Variants in NCAN observed in about 807,000 individuals in gnomAD.
NCAN encodes the protein neurocan core protein.
Under a neutral mutation model 121.8 loss-of-function variants are expected in NCAN, and 47 were observed. That is an observed-to-expected ratio of 0.39 (90% CI 0.31 to 0.49). NCAN has a LOEUF of 0.49. Among genes scored for constraint, NCAN ranks in the 20% least tolerant of loss-of-function variants. The probability of loss-of-function intolerance (pLI) is 0.92; values close to 1 mark genes in which losing one functional copy is unlikely to be tolerated. For missense variants in NCAN, 1,517 were observed against 1,773.4 expected, an observed-to-expected ratio of 0.86 and a Z score of 2.60; for synonymous variants, 633 against 702.0, an observed-to-expected ratio of 0.90 and a Z score of 1.55.
At chr19:19,224,282 G>T in intron 4 of NCAN, 24 bp from the exon 5 acceptor site, 1 of 1,608,612 alleles carries the variant, frequency 6.2e-7, no homozygotes, top group South Asian at 1.1e-5. Context: ...ACATCTGAGA[G>T]GGACCCTCCC....
intron 1 of NCAN, among the ~76,000 whole-genome samples, chr19:19,215,219 C>T (rs1176387106): frequency 6.6e-6 from 1 of 152,190 alleles, no homozygotes; most frequent in Non-Finnish European, 1.5e-5. Flanking sequence ...CTGTCACATA[C>T]AGCCTCCCCT....
intron 8 of NCAN, among the ~76,000 whole-genome samples, chr19:19,232,489 C>T (rs1158809725): frequency 1.3e-5 from 2 of 152,222 alleles, no homozygotes; most frequent in African/African-American, 4.8e-5. Context: ...GCCCGTTTGC[C>T]ATCCATGGGG....
intron 2 of NCAN, 22 bp from the exon 3 acceptor site, chr19:19,218,893 C>G (rs1274565118): frequency 1.2e-5 from 18 of 1,478,638 alleles, no homozygotes; most frequent in Non-Finnish European, 1.6e-5. Context: ...ATCAGGCCCT[C>G]TCTCCACCTT....
At chr19:19,239,616 T>C (rs1399464415) in intron 11 of NCAN, among the ~76,000 whole-genome samples, 4 of 43,418 alleles carry the variant, frequency 9.2e-5, no homozygotes, top group Admixed American at 2.8e-4. Flanking sequence ...TCTTCCTCTC[T>C]CCTCTCCTCC....
In NCAN at chr19:19,251,963, T is replaced by C. The variant is rs2060947915; in HGVS notation, c.*2052T>C. 6.6e-6 allele frequency: 1 copy of C among 152,546 alleles called. No individual in the cohort carries two copies. The allele number at this position is 152,546 out of a possible 1,614,324, so 9.4% of individuals were successfully genotyped here. On this transcript the variant is annotated 3_prime_UTR_variant, in exon 15 of 15. Transcript: ENST00000252575. ...TCCCTGCCCTTGAGCCCCTCAGCCGTTTGCCCTGCCCCCACCTCGGCTCCA... is the reference window on the plus strand; with the variant it reads ...TCCCTGCCCTTGAGCCCCTCAGCCGCTTGCCCTGCCCCCACCTCGGCTCCA...
At chr19:19,239,842 C>T (rs948529922) in intron 11 of NCAN, among the ~76,000 whole-genome samples, 4 of 140,578 alleles carry the variant, frequency 2.8e-5, no homozygotes, top group African/African-American at 1.1e-4. Context: ...ACTCTTCCCC[C>T]TCCTCCCTCC....
At chr19:19,213,770 C>A (rs889531583) in intron 1 of NCAN, among the ~76,000 whole-genome samples, 1 of 151,944 alleles carries the variant, frequency 6.6e-6, no homozygotes, top group Non-Finnish European at 1.5e-5. Flanking sequence ...AGAGTTGGGG[C>A]GCTAACAGGG....
At chr19:19,245,222 G>C (rs2060920162) in intron 12 of NCAN, 91 bp from the exon 13 acceptor site, 2 of 1,492,662 alleles carry the variant, frequency 1.3e-6, no homozygotes, top group African/African-American at 2.8e-5. Context: ...AGTTTGAGGG[G>C]TCTGGCCAGG....
In NCAN at chr19:19,228,649, A is replaced by G; in HGVS notation, c.3019+10A>G. 6.3e-7 allele frequency: 1 copy of G among 1,599,208 alleles called. No homozygotes were observed. Among genetic ancestry groups the G allele is most frequent in the Non-Finnish European group, 8.5e-7 (1 of 1,171,442 alleles). On this transcript the variant is annotated intron_variant, in intron 8 of 14. Coordinates refer to ENST00000252575, the MANE Select transcript of NCAN (RefSeq NM_004386.3). ...GCAGGTGCGGAGGAGGGTGAGTACA[A>G]AGTCCCGGGGCTCTGTCCAGCTCTC... is the stretch of plus-strand genomic sequence containing the variant.
Position 19,227,498 on chromosome 19 carries a change from C to T in NCAN, c.1878C>T (p.Thr626=). 1.2e-6 allele frequency: 2 copies of T among 1,613,706 alleles called. No individual in the cohort carries two copies. The highest frequency in any genetic ancestry group is 8.5e-7 in the Non-Finnish European group (1 of 1,179,930). ...CCTGGGAGGCATTCCCTGTGGCCAC[C>T]TCCCCAGATCTCCCTATGATGGCCA... ...PAPWEAFPVA[T]SPDLPMMAML... is the part of the protein sequence containing the mutation. The change falls in exon 8 of 15, where the codon ACC becomes ACT. Residue 626 remains threonine (T), a synonymous_variant. Transcript: ENST00000252575. This position sits in a 1 kb window ranked among gnomAD's most constrained non-coding sequence, Gnocchi z 4.2.
Position 19,228,410 on chromosome 19 carries a change from T to A in NCAN, c.2790T>A (p.Pro930=). Residue 930 remains proline (P), a synonymous_variant, in exon 8 of 15, where the codon CCT becomes CCA. Coordinates refer to ENST00000252575, the MANE Select transcript of NCAN (RefSeq NM_004386.3). ...SSPLGKPAVP[P]GTPTAASVGE... ...CCCTAGGGAAACCGGCTGTTCCTCC[T>A]GGGACACCGACTGCAGCCAGTGTGG... 6.2e-7 allele frequency: 1 copy of A among 1,613,632 alleles called. No individual in the cohort carries two copies. Among genetic ancestry groups the A allele is most frequent in the Non-Finnish European group, 8.5e-7 (1 of 1,180,006 alleles).
Position 19,233,904 on chromosome 19 carries a change from T to G in NCAN, c.3135T>G (p.Ile1045Met), listed in dbSNP as rs747541470. 67 of 1,588,890 alleles carry G rather than the reference T, an allele frequency of 4.2e-5. No homozygotes were observed. The highest frequency in any genetic ancestry group is 5.5e-5 in the Non-Finnish European group (64 of 1,157,028). The change falls in exon 9 of 15, where the codon ATT becomes ATG. Residue 1045 changes from isoleucine (I) to methionine (M), a missense_variant and splice_region_variant. By Grantham distance (10) the Ile-to-Met change is conservative (BLOSUM62 1). Coordinates refer to ENST00000252575, the MANE Select transcript of NCAN (RefSeq NM_004386.3). ...GCTTCGCCGGGGAGAACTGTGAGAT[T>G]GGTGAGTACCCCAGACTCAGGATCT... ...DQGFAGENCE[I>M]DIDDCLCSPC...
In NCAN at chr19:19,212,233, G is replaced by A. The variant is rs149689976; in HGVS notation, c.-8+169G>A. On this transcript the variant is annotated intron_variant, in intron 1 of 14. Transcript: ENST00000252575. The surrounding 1 kb of genome is among the most constrained non-coding windows in gnomAD (Gnocchi z 4.5). ...GAGGAGGGAGCGCGAACTGGGAGGG[G>A]GCTTGGGAATGCTAGGTGAACAGAC... Among the ~76,000 whole-genome samples the A allele has an allele frequency of 7.7e-3, 1,169 of 151,678 alleles. 13 individuals carry two copies. The highest frequency in any genetic ancestry group is 0.013 in the Non-Finnish European group (883 of 67,812).
chr19:19,224,739 C>G (rs2060829226), intron 5 of NCAN, among the ~76,000 whole-genome samples: 1 of 152,040 alleles, frequency 6.6e-6, no homozygotes, highest in African/African-American at 2.4e-5. Flanking sequence ...CTCCCTCTCT[C>G]TGAAGCCCGA....
At chr19:19,238,126 G>A in intron 10 of NCAN, 127 bp from the exon 11 acceptor site, 1 of 1,200,064 alleles carries the variant, frequency 8.3e-7, no homozygotes, top group East Asian at 2.4e-5. Context: ...CAGGCATGGG[G>A]AGAGGGGTGA....
rs2060777759 is a variant in NCAN, at chr19:19,212,180, CTGAAGCGGGGGAGGGGAG to C, written c.-8+117_-8+134del. ...AGAAGTCCCCAGAATGGGGAGGGGG[CTGAAGCGGGGGAGGGGAG>C]CCCTAGGTTGAGGAGGGAGCGCGAA... On this transcript the variant is annotated intron_variant, in intron 1 of 14. Transcript: ENST00000252575. The surrounding 1 kb of genome is among the most constrained non-coding windows in gnomAD (Gnocchi z 4.5). The C allele has an allele frequency of 6.5e-6, 1 of 153,280 alleles. No homozygotes were observed. The highest frequency in any genetic ancestry group is 2.4e-5 in the African/African-American group (1 of 40,822). 9.5% of individuals were successfully genotyped at this position (153,280 alleles called of 1,614,324 possible).
chr19:19,220,551 G>A lies in NCAN; in HGVS notation c.475+1235G>A, dbSNP rs570115226. 1.1e-3 allele frequency among the ~76,000 whole-genome samples: 159 copies of A among 139,158 alleles called. 2 individuals are homozygous for A. Among genetic ancestry groups the A allele is most frequent in the African/African-American group, 4.1e-3 (154 of 38,000 alleles). The allele number at this position is 139,158 out of a possible 152,430, so 91.3% of individuals were successfully genotyped here. On this transcript the variant is annotated intron_variant, in intron 3 of 14. Coordinates refer to ENST00000252575, the MANE Select transcript of NCAN (RefSeq NM_004386.3). ...CAACTCATCGCCAGCTCTGCCTCCCGGGTTCACACCATTCTCCTGCCTCAG... is the reference window on the plus strand; with the variant it reads ...CAACTCATCGCCAGCTCTGCCTCCCAGGTTCACACCATTCTCCTGCCTCAG...
intron 2 of NCAN, among the ~76,000 whole-genome samples, chr19:19,218,392 G>A (rs1247458012): frequency 6.6e-6 from 1 of 152,162 alleles, no homozygotes. Context: ...GAGTCTAGGA[G>A]CTTGAGGCTG....
intron 1 of NCAN, among the ~76,000 whole-genome samples, chr19:19,216,240 C>T (rs947980948): frequency 2.0e-5 from 3 of 152,158 alleles, no homozygotes; most frequent in African/African-American, 7.2e-5. Context: ...CCTTGAACTC[C>T]TGGGCTCAAG....
Sources: allele counts gnomAD v4.1 joint callset (sites outside exome capture counted in the v4.1 genomes callset), GRCh38; gene constraint gnomAD v4.1.1; non-coding constraint Gnocchi (gnomAD v3.1); transcripts MANE v1.5; gene names NCBI Gene and HGNC (gene_info 2026-07-23, HGNC 2026-07-21).